The following SPSB4 variants were observed in gnomAD, a reference collection of about 807,000 sequenced individuals.
The protein encoded by SPSB4 is SPRY domain-containing SOCS box protein 4.
Under a neutral mutation model 20.9 loss-of-function variants are expected in SPSB4, and 21 were observed. That is an observed-to-expected ratio of 1.01 (90% CI 0.71 to 1.45). The LOEUF is 1.45. Ranked by LOEUF, SPSB4 falls within the 40% of genes most tolerant of loss-of-function variation. The pLI is 0.00. For missense variants in SPSB4, 399 were observed against 399.2 expected (o/e 1.00, Z 0.00); for synonymous variants, 207 against 183.8 (o/e 1.13, Z -1.02).
At position 141,066,158 on chromosome 3, in the gene SPSB4, G is replaced by T. The variant is rs1036361651; in HGVS notation, c.54G>T (p.Ala18=). ...AGTCAGTGGAGGTGCGAGAGCCGGC[G>T]CTGCGGCCGGCCAAGCGGGAGCTGC... The part of the protein sequence containing the change: ...SLKSVEVREP[A]LRPAKRELRG... Residue 18 remains alanine, a synonymous_variant, in exon 2 of 3, where the codon GCG becomes GCT. Coordinates refer to ENST00000310546, the MANE Select transcript of SPSB4 (RefSeq NM_080862.3). 4 of 1,532,028 alleles carry T rather than the reference G, an allele frequency of 2.6e-6. No homozygotes were observed. The highest frequency in any genetic ancestry group is 3.5e-6 in the Non-Finnish European group (4 of 1,141,866). The allele number at this position is 1,532,028 out of a possible 1,614,324, so 94.9% of individuals were successfully genotyped here. A position where few individuals can be genotyped will look rare whatever the true frequency, so the allele number is the denominator to read the frequency against.
At chr3:141,128,127 C>T (rs1005510701) in intron 2 of SPSB4, among the ~76,000 whole-genome samples, 4 of 152,076 alleles carry the variant, frequency 2.6e-5, no homozygotes, top group African/African-American at 9.7e-5. Flanking sequence ...ATGGTTAAGT[C>T]GGTGGGGAAG....
rs949771030 is a variant in SPSB4, at chr3:141,147,317, G to A, written c.*48G>A. On this transcript the variant is annotated 3_prime_UTR_variant, in exon 3 of 3. Coordinates refer to ENST00000310546, the MANE Select transcript of SPSB4 (RefSeq NM_080862.3). Reference sequence around the variant, plus strand: ...GACACAGACACACACCGCAGGGCCCGACCCTCCTGTCATTCACAGTCCCAT... The same window carrying A: ...GACACAGACACACACCGCAGGGCCCAACCCTCCTGTCATTCACAGTCCCAT... 6.2e-6 allele frequency: 10 copies of A among 1,608,246 alleles called. No individual in the cohort carries two copies. Among genetic ancestry groups the A allele is most frequent in the Middle Eastern group, 1.7e-4 (1 of 6,058 alleles).
intron 1 of SPSB4, among the ~76,000 whole-genome samples, chr3:141,057,145 G>A (rs1285180458): frequency 6.6e-6 from 1 of 152,200 alleles, no homozygotes; most frequent in Non-Finnish European, 1.5e-5. Flanking sequence ...GGGAAGAAAG[G>A]GCTTGCCCAG....
At chr3:141,140,929 T>G (rs1364619065) in intron 2 of SPSB4, among the ~76,000 whole-genome samples, 1 of 152,196 alleles carries the variant, frequency 6.6e-6, no homozygotes. Flanking sequence ...CCCCCAGAGG[T>G]GGAGCCTCCA....
intron 1 of SPSB4, among the ~76,000 whole-genome samples, chr3:141,056,857 T>A (rs1322016553): frequency 6.6e-6 from 1 of 152,238 alleles, no homozygotes; most frequent in Non-Finnish European, 1.5e-5. Context: ...GTGGCCTTGC[T>A]GTCTCAGTGG....
intron 2 of SPSB4, among the ~76,000 whole-genome samples, chr3:141,100,756 C>T (rs1014167458): frequency 3.9e-5 from 6 of 152,182 alleles, no homozygotes; most frequent in East Asian, 1.9e-4. Flanking sequence ...GGTGGAGAGG[C>T]GGCAGGAGGG....
At chr3:141,110,580 T>C (rs3940907) in intron 2 of SPSB4, among the ~76,000 whole-genome samples, 40,757 of 152,160 alleles carry the variant, frequency 0.27, 6,921 homozygotes, top group African/African-American at 0.46. Context: ...TTTGCCCATA[T>C]TGTGTGCTCA....
chr3:141,074,133 A>C (rs1938057598), intron 2 of SPSB4, among the ~76,000 whole-genome samples: 1 of 152,184 alleles, frequency 6.6e-6, no homozygotes, highest in South Asian at 2.1e-4. Context: ...GTCTTGTGGG[A>C]AGAGCAGGGT....
At position 141,066,023 on chromosome 3, in the gene SPSB4, C is replaced by A; in HGVS notation, c.-82C>A. On this transcript the variant is annotated 5_prime_UTR_variant, in exon 2 of 3. Coordinates refer to ENST00000310546, the MANE Select transcript of SPSB4 (RefSeq NM_080862.3). ...CGTCCGGAAGCCTGGTTCCCAGCCC[C>A]GTGGCCCATTCCTGGCTACGGGGAG... is the stretch of plus-strand genomic sequence containing the variant. 1.6e-6 allele frequency: 2 copies of A among 1,273,086 alleles called. No homozygotes were observed. Among genetic ancestry groups the A allele is most frequent in the Non-Finnish European group, 2.1e-6 (2 of 967,678 alleles). 78.9% of individuals were successfully genotyped at this position (1,273,086 alleles called of 1,614,324 possible). A position where few individuals can be genotyped will look rare whatever the true frequency, so the allele number is the denominator to read the frequency against.
rs145404672 is a variant in SPSB4, at chr3:141,132,412, C to T, written c.695-14730C>T. 1,030 of 210,330 alleles carry T rather than the reference C, an allele frequency of 4.9e-3. 13 individuals are homozygous for T. Among genetic ancestry groups the T allele is most frequent in the African/African-American group, 0.023 (969 of 41,848 alleles). 13.0% of individuals were successfully genotyped at this position (210,330 alleles called of 1,614,324 possible). A position where few individuals can be genotyped will look rare whatever the true frequency, so the allele number is the denominator to read the frequency against. The stretch of plus-strand genomic sequence containing the variant: ...CAAACTCCTGACCTCGTGATCCACC[C>T]GCCTCGGCACCCCAAACTGCTGGGA... On this transcript the variant is annotated intron_variant, in intron 2 of 2. Coordinates refer to ENST00000310546, the MANE Select transcript of SPSB4 (RefSeq NM_080862.3).
At chr3:141,061,777 C>T (rs1239171385) in intron 1 of SPSB4, among the ~76,000 whole-genome samples, 1 of 149,896 alleles carries the variant, frequency 6.7e-6, no homozygotes, top group Non-Finnish European at 1.5e-5. Flanking sequence ...CCTCTGTCAC[C>T]CAAGCTGGAG....
chr3:141,077,044 G>A (rs898248182), intron 2 of SPSB4: 2 of 152,188 alleles, frequency 1.3e-5, no homozygotes, highest in Non-Finnish European at 2.9e-5. Flanking sequence ...GGAGCCAGCT[G>A]ATTTGCTTTG....
At chr3:141,077,799 A>G (rs760999298) in intron 2 of SPSB4, among the ~76,000 whole-genome samples, 2 of 152,190 alleles carry the variant, frequency 1.3e-5, no homozygotes, top group Non-Finnish European at 2.9e-5. Context: ...TGGGCTGTTT[A>G]GTGAGGGCTC....
intron 2 of SPSB4, among the ~76,000 whole-genome samples, chr3:141,122,102 G>A (rs947567640): frequency 1.3e-5 from 2 of 152,192 alleles, no homozygotes; most frequent in Non-Finnish European, 2.9e-5. Context: ...GGGTTTTGGT[G>A]TGGATGTGCT....
intron 1 of SPSB4, among the ~76,000 whole-genome samples, chr3:141,060,169 T>C (rs1213064007): frequency 1.3e-5 from 2 of 152,102 alleles, no homozygotes; most frequent in Non-Finnish European, 2.9e-5. Flanking sequence ...GAGACTATGA[T>C]TGCAAAGGAG....
At chr3:141,112,340 G>A (rs1277433041) in intron 2 of SPSB4, among the ~76,000 whole-genome samples, 1 of 152,192 alleles carries the variant, frequency 6.6e-6, no homozygotes, top group African/African-American at 2.4e-5. Flanking sequence ...CAGTACCTGG[G>A]CCTTCTATCA....
At chr3:141,056,007 G>GGA (rs1484057181) in intron 1 of SPSB4, among the ~76,000 whole-genome samples, 2 of 152,202 alleles carry the variant, frequency 1.3e-5, no homozygotes, top group African/African-American at 4.8e-5. Context: ...GAAGATGCAT[G>GGA]GAGAGAGAGA....
chr3:141,072,353 C>T (rs1488666056), intron 2 of SPSB4, among the ~76,000 whole-genome samples: 1 of 152,156 alleles, frequency 6.6e-6, no homozygotes, highest in Non-Finnish European at 1.5e-5. Flanking sequence ...TTGTTTCCTA[C>T]AAATCTCGTG....
rs534567510 is a variant in SPSB4 at position 141,107,938 on chromosome 3, G to A, written c.695-39204G>A. Among the ~76,000 whole-genome samples the A allele has an allele frequency of 2.6e-3, 394 of 151,856 alleles. 1 individual carries two copies. The highest frequency in any genetic ancestry group is 9.3e-3 in the African/African-American group (383 of 41,350). ...CCACTGCACTCCAGCCTGGGCAACA[G>A]AGCGAGACTCTGTCTTAAAAAAAAA... On this transcript the variant is annotated intron_variant, in intron 2 of 2. Coordinates refer to ENST00000310546, the MANE Select transcript of SPSB4 (RefSeq NM_080862.3).
Sources: gnomAD v4.1 joint callset for allele counts (sites outside exome capture counted in the v4.1 genomes callset) on GRCh38, gnomAD v4.1.1 for gene constraint, MANE v1.5 for transcripts, NCBI Gene and HGNC (gene_info 2026-07-23, HGNC 2026-07-21) for gene names.